Variants in LRP2 observed in about 807,000 individuals in gnomAD.
The protein encoded by LRP2 is LDL receptor related protein 2.
In LRP2, 172 loss-of-function variants were observed where a neutral mutation model predicts 531.0. The observed-to-expected ratio is 0.32, with a 90% CI of 0.29 to 0.37. LRP2 has a LOEUF of 0.37. Ranked by LOEUF, LRP2 falls within the 10% of genes least tolerant of loss-of-function variation. The pLI is 1.00. For missense variants in LRP2, 5,167 were observed against 5,868.3 expected, an observed-to-expected ratio of 0.88 and a Z score of 3.90; for synonymous variants, 1,992 against 2,027.6, an observed-to-expected ratio of 0.98 and a Z score of 0.47.
chr2:169,223,322 A>T (rs1689083624), intron 33 of LRP2, among the ~76,000 whole-genome samples: 1 of 152,204 alleles, frequency 6.6e-6, no homozygotes, highest in Non-Finnish European at 1.5e-5. Flanking sequence ...TGTACCTAAC[A>T]CTAATGGGAA....
chr2:169,188,560 T>C (rs1687718142), intron 48 of LRP2, among the ~76,000 whole-genome samples: 1 of 152,200 alleles, frequency 6.6e-6, no homozygotes, highest in Admixed American at 6.5e-5. Context: ...AATTAGTAGG[T>C]CTATAGCTAT....
At chr2:169,274,013 G>T (rs574707927) in intron 14 of LRP2, among the ~76,000 whole-genome samples, 2 of 152,260 alleles carry the variant, frequency 1.3e-5, no homozygotes, top group East Asian at 3.9e-4. Flanking sequence ...CATTGAAGGA[G>T]ATTCATCTGA....
chr2:169,166,007 G>A lies in LRP2; in HGVS notation c.11683C>T (p.Arg3895Cys), dbSNP rs763655058. The A allele has an allele frequency of 1.7e-5, 27 of 1,613,978 alleles. No homozygotes were observed. The highest frequency in any genetic ancestry group is 1.1e-4 in the East Asian group (5 of 44,882). ...CACACCTCATGACTATAAATGCAGC[G>A]ATTGTTGTCACACCGGAAACGGTTT... ...SPNRFRCDNN[R>C]CIYSHEVCNG... Residue 3895 changes from arginine to cysteine, a missense_variant, in exon 62 of 79, where the codon CGC (arginine) becomes TGC (cysteine). Arg to Cys is a radical substitution (Grantham distance 180). Transcript: ENST00000649046.
intron 41 of LRP2, among the ~76,000 whole-genome samples, 183 bp downstream of exon 41, chr2:169,205,296 A>G (rs988031632): frequency 3.9e-5 from 6 of 152,220 alleles, no homozygotes; most frequent in African/African-American, 1.4e-4. Flanking sequence ...CATGATATAG[A>G]TAAATTTTCA....
intron 63 of LRP2, among the ~76,000 whole-genome samples, chr2:169,158,075 C>G (rs1035353246): frequency 1.3e-5 from 2 of 150,758 alleles, no homozygotes; most frequent in African/African-American, 4.9e-5. Context: ...CACACACACA[C>G]ACACACACAC....
At chr2:169,255,953 T>A (rs530364802) in intron 19 of LRP2, among the ~76,000 whole-genome samples, 153 bp downstream of exon 19, 1 of 132,050 alleles carries the variant, frequency 7.6e-6, no homozygotes, top group Non-Finnish European at 1.6e-5. Context: ...ACAAACCAAA[T>A]GTTTTGTCTA....
intron 60 of LRP2, among the ~76,000 whole-genome samples, chr2:169,169,378 T>A (rs1242093407): frequency 2.1e-4 from 32 of 152,266 alleles, no homozygotes; most frequent in Admixed American, 2.1e-3. Context: ...TACTAATGTA[T>A]TCGTTGCTTG....
intron 77 of LRP2, 60 bp downstream of exon 77, chr2:169,132,514 A>T (rs1419966812): frequency 1.1e-6 from 1 of 941,142 alleles, no homozygotes; most frequent in Non-Finnish European, 1.8e-6. Context: ...GTTAATAAAA[A>T]CCCAGTCATC....
intron 9 of LRP2, among the ~76,000 whole-genome samples, chr2:169,288,455 G>A (rs1450802755): frequency 6.6e-6 from 1 of 152,224 alleles, no homozygotes; most frequent in East Asian, 1.9e-4. Flanking sequence ...TTGAATGATA[G>A]TTCCAAGTGG....
Position 169,177,986 on chromosome 2 carries a change from C to T in LRP2, c.10210G>A (p.Asp3404Asn). 6.2e-7 allele frequency: 1 copy of T among 1,614,122 alleles called. No homozygotes were observed. Among genetic ancestry groups the T allele is most frequent in the Non-Finnish European group, 8.5e-7 (1 of 1,180,022 alleles). The change falls in exon 53 of 79, where the codon GAT becomes AAT. Residue 3404 changes from aspartate to asparagine, a missense_variant. By Grantham distance (23) the Asp-to-Asn change is conservative. Transcript: ENST00000649046. The part of the protein sequence containing the change: ...LEGHHRHTVY[D>N]GALPHPFAIT... ...GCGAAAGGGTGAGGCAGTGCCCCAT[C>T]ATACACCGTGTGTCGATGGTGGCCC...
Position 169,152,945 on chromosome 2 carries a change from C to T in LRP2, c.12315G>A (p.Val4105=), listed in dbSNP as rs1574076094. ...DIGLSVVYYT[V]RGEGSRFGAI... is the part of the protein sequence containing the mutation. ...CACCAAACCTAGAGCCCTCCCCTCG[C>T]ACAGTGTAATACACAACACCTACAG... The change falls in exon 67 of 79, where the codon GTG becomes GTA. Residue 4105 remains valine (V), a synonymous_variant. Coordinates refer to ENST00000649046, the MANE Select transcript of LRP2 (RefSeq NM_004525.3). 2 of 1,613,954 alleles carry T rather than the reference C, an allele frequency of 1.2e-6. No individual in the cohort carries two copies. Among genetic ancestry groups the T allele is most frequent in the Non-Finnish European group, 1.7e-6 (2 of 1,179,926 alleles).
intron 1 of LRP2, among the ~76,000 whole-genome samples, chr2:169,348,948 G>A (rs1379308469): frequency 6.6e-6 from 1 of 152,136 alleles, no homozygotes; most frequent in African/African-American, 2.4e-5. Flanking sequence ...GAGGAATTAA[G>A]GGCTGGTAGT....
intron 26 of LRP2, among the ~76,000 whole-genome samples, chr2:169,238,920 G>A (rs959376244): frequency 6.6e-6 from 1 of 152,152 alleles, no homozygotes; most frequent in African/African-American, 2.4e-5. Flanking sequence ...AAAGGAAGCT[G>A]CTTGCCCTCC....
intron 9 of LRP2, among the ~76,000 whole-genome samples, chr2:169,287,208 A>G (rs1574222446): frequency 6.6e-6 from 1 of 152,218 alleles, no homozygotes; most frequent in African/African-American, 2.4e-5. Context: ...ACAATAAAAC[A>G]CAAAATGTGT....
intron 10 of LRP2, 98 bp downstream of exon 10, chr2:169,282,775 A>G (rs2105454338): frequency 1.4e-6 from 2 of 1,381,444 alleles, no homozygotes; most frequent in Non-Finnish European, 2.1e-6. Flanking sequence ...CCTGCCAACA[A>G]CAAAAATGCT....
At chr2:169,203,779 C>A (rs1335389904) in intron 42 of LRP2, among the ~76,000 whole-genome samples, 1 of 152,098 alleles carries the variant, frequency 6.6e-6, no homozygotes, top group African/African-American at 2.4e-5. Flanking sequence ...AAAGAAAATG[C>A]TTTCATAAAA....
rs1689204050 is a variant in LRP2 at position 169,226,489 on chromosome 2, C to T, written c.5327G>A (p.Gly1776Glu). The change falls in exon 32 of 79, where the codon GGG (glycine) becomes GAG (glutamate). Residue 1776 changes from glycine (G) to glutamate (E), a missense_variant. Gly to Glu is a moderately conservative substitution (Grantham distance 98, BLOSUM62 -2). Coordinates refer to ENST00000649046, the MANE Select transcript of LRP2 (RefSeq NM_004525.3). ...TTCAACATCTAAACCATTCTGTATC[C>T]CTGCTATGGGGACCATAGCATCATT... The part of the protein sequence containing the change: ...KSNDAMVPIA[G>E]IQNGLDVEFD... 1.2e-6 allele frequency: 2 copies of T among 1,612,550 alleles called. No homozygotes were observed. Among genetic ancestry groups the T allele is most frequent in the Non-Finnish European group, 1.7e-6 (2 of 1,178,696 alleles).
chr2:169,186,779 G>C (rs950613452), intron 49 of LRP2, among the ~76,000 whole-genome samples: 1 of 152,150 alleles, frequency 6.6e-6, no homozygotes, highest in East Asian at 1.9e-4. Flanking sequence ...GTTTGGATGA[G>C]ACCTACTGAG....
At position 169,185,574 on chromosome 2, in the gene LRP2, C is replaced by A; in HGVS notation, c.9774G>T (p.Lys3258Asn). The A allele has an allele frequency of 6.2e-7, 1 of 1,613,990 alleles. No homozygotes were observed. Among genetic ancestry groups the A allele is most frequent in the Non-Finnish European group, 8.5e-7 (1 of 1,179,980 alleles). Reference protein sequence around the residue: ...RQVIERMFLNKTNKETIINHR... With the variant: ...RQVIERMFLNNTNKETIINHR... ...GGTTTATGATTGTCTCCTTGTTTGT[C>A]TTATTCAGAAACATTCTCTCAATGA... Residue 3258 changes from lysine to asparagine, a missense_variant, in exon 50 of 79, where the codon AAG becomes AAT. Coordinates refer to ENST00000649046, the MANE Select transcript of LRP2 (RefSeq NM_004525.3).
Sources: allele counts gnomAD v4.1 joint callset (sites outside exome capture counted in the v4.1 genomes callset), GRCh38; gene constraint gnomAD v4.1.1; transcripts MANE v1.5; gene names NCBI Gene and HGNC (gene_info 2026-07-23, HGNC 2026-07-21).